Variants in RBM6 observed in about 807,000 individuals in gnomAD.
RBM6 encodes the protein RNA binding motif protein 6, also known as RNA-binding protein 6.
Under a neutral mutation model 140.4 loss-of-function variants are expected in RBM6, and 23 were observed. That is an observed-to-expected ratio of 0.16 (90% CI 0.12 to 0.23). The LOEUF (loss-of-function observed/expected upper bound fraction) is 0.23. Ranked by LOEUF, RBM6 falls within the 10% of genes least tolerant of loss-of-function variation. The pLI is 1.00. For missense variants in RBM6, 1,139 were observed against 1,386.7 expected, an observed-to-expected ratio of 0.82 and a Z score of 2.84; for synonymous variants, 439 against 475.6, an observed-to-expected ratio of 0.92 and a Z score of 1.00.
intron 5 of RBM6, among the ~76,000 whole-genome samples, chr3:49,978,856 C>T (rs1310787973): frequency 6.6e-6 from 1 of 152,032 alleles, no homozygotes; most frequent in African/African-American, 2.4e-5. Context: ...TTTCATTTGC[C>T]ATTTACAAAT....
rs766728138 is a variant in RBM6 at position 49,968,396 on chromosome 3, G to A, written c.971G>A (p.Arg324Lys). 6.2e-7 allele frequency: 1 copy of A among 1,614,164 alleles called. No individual in the cohort carries two copies. Among genetic ancestry groups the A allele is most frequent in the South Asian group, 1.1e-5 (1 of 91,076 alleles). The change falls in exon 3 of 21, where the codon AGG (arginine) becomes AAG (lysine). Residue 324 changes from arginine (R) to lysine (K), a missense_variant. Arg to Lys is a conservative substitution (Grantham distance 26, BLOSUM62 2). Transcript: ENST00000266022. ...TCCACACATGACCATACGATAGAAA[G>A]GCCTGCTTTTGGCATTCAGAAGGGA... ...EESTHDHTIE[R>K]PAFGIQKGEF...
chr3:50,058,472 C>G lies in RBM6; in HGVS notation c.2040C>G (p.Val680=). ...TAGTGGAAGTGCTGGAGCCCTATGT[C>G]CGCCTTACTACTGCCAACGTCCGTA... The part of the protein sequence containing the change: ...EVIVEVLEPY[V]RLTTANVRII... The change falls in exon 10 of 21, where the codon GTC becomes GTG. Residue 680 remains valine, a synonymous_variant. Coordinates refer to ENST00000266022, the MANE Select transcript of RBM6 (RefSeq NM_005777.3). The G allele has an allele frequency of 1.2e-6, 2 of 1,605,904 alleles. No individual in the cohort carries two copies. The highest frequency in any genetic ancestry group is 1.7e-6 in the Non-Finnish European group (2 of 1,172,508).
At chr3:49,961,596 C>T (rs962683933) in intron 1 of RBM6, among the ~76,000 whole-genome samples, 3 of 150,746 alleles carry the variant, frequency 2.0e-5, no homozygotes, top group Non-Finnish European at 4.4e-5. Context: ...GTTAGGAGTT[C>T]GAGACCAGCC....
intron 6 of RBM6, among the ~76,000 whole-genome samples, chr3:50,017,543 G>A (rs1397690489): frequency 6.8e-6 from 1 of 146,116 alleles, no homozygotes; most frequent in African/African-American, 2.5e-5. Flanking sequence ...GGGCGACAGA[G>A]CAAGACTCTG....
At chr3:49,973,455 C>T (rs2084895224) in intron 4 of RBM6, among the ~76,000 whole-genome samples, 1 of 151,950 alleles carries the variant, frequency 6.6e-6, no homozygotes, top group Admixed American at 6.6e-5. Context: ...GAACCCAGTA[C>T]ATCATTTTAT....
At chr3:50,017,426 T>C (rs753123769) in intron 6 of RBM6, among the ~76,000 whole-genome samples, 12 of 151,520 alleles carry the variant, frequency 7.9e-5, no homozygotes, top group Non-Finnish European at 1.3e-4. Context: ...GGTGTGGTGG[T>C]GGGCGCCTGA....
chr3:50,040,182 C>T (rs992859323), intron 6 of RBM6, among the ~76,000 whole-genome samples: 1 of 152,066 alleles, frequency 6.6e-6, no homozygotes, highest in African/African-American at 2.4e-5. Flanking sequence ...TGCCCTGGCT[C>T]ACGCCTGTAA....
In RBM6 at chr3:50,043,241, C is replaced by T. The variant is rs145274652; in HGVS notation, c.1558-5004C>T. 9.1e-3 allele frequency among the ~76,000 whole-genome samples: 1,378 copies of T among 151,958 alleles called. 31 individuals are homozygous for T. Among genetic ancestry groups the T allele is most frequent in the African/African-American group, 0.031 (1,278 of 41,444 alleles). On this transcript the variant is annotated intron_variant, in intron 6 of 20. Coordinates refer to ENST00000266022, the MANE Select transcript of RBM6 (RefSeq NM_005777.3). The stretch of plus-strand genomic sequence containing the variant: ...GCTCATGCCTGTAATCCCAGCACTT[C>T]GGGAGGCCGAGGCAGGCGATCACTT...
chr3:49,971,647 T>G (rs1005538407), intron 3 of RBM6, among the ~76,000 whole-genome samples: 2 of 151,812 alleles, frequency 1.3e-5, no homozygotes, highest in Non-Finnish European at 2.9e-5. Flanking sequence ...AAGTGATTCT[T>G]CCGCCTCAGC....
chr3:50,050,530 G>A (rs1324754318), intron 7 of RBM6, among the ~76,000 whole-genome samples: 2 of 152,138 alleles, frequency 1.3e-5, no homozygotes, highest in East Asian at 3.8e-4. Context: ...TGTTTGAACA[G>A]CTGTTTTCAG....
chr3:50,048,565 T>C lies in RBM6; in HGVS notation c.1632+246T>C, dbSNP rs138999634. Among the ~76,000 whole-genome samples, 6 of 152,316 alleles carry C rather than the reference T, an allele frequency of 3.9e-5. No individual in the cohort carries two copies. In the East Asian group the frequency reaches 1.2e-3, roughly 29 times the overall value. On this transcript the variant is annotated intron_variant, in intron 7 of 20. Coordinates refer to ENST00000266022, the MANE Select transcript of RBM6 (RefSeq NM_005777.3). ...ACACTTTCCCAAGGACATGTGCCAT[T>C]ATTTCTATCAGTTATAAAAATAACA...
At chr3:50,013,649 A>G (rs2086970424) in intron 6 of RBM6, among the ~76,000 whole-genome samples, 1 of 152,136 alleles carries the variant, frequency 6.6e-6, no homozygotes, top group Non-Finnish European at 1.5e-5. Flanking sequence ...GCCTGGCGAC[A>G]GCGAGGCTCT....
chr3:50,034,013 C>T (rs2088349975), intron 6 of RBM6, among the ~76,000 whole-genome samples: 1 of 152,012 alleles, frequency 6.6e-6, no homozygotes. Flanking sequence ...GATCAAATGC[C>T]CCCTGTCTAG....
At chr3:50,011,042 G>A (rs543812177) in intron 6 of RBM6, among the ~76,000 whole-genome samples, 1 of 151,822 alleles carries the variant, frequency 6.6e-6, no homozygotes, top group South Asian at 2.1e-4. Context: ...CAGTTTGTCA[G>A]GAAGTTAGAG....
intron 1 of RBM6, among the ~76,000 whole-genome samples, chr3:49,948,742 A>C (rs2083603330): frequency 6.7e-6 from 1 of 149,452 alleles, no homozygotes; most frequent in Non-Finnish European, 1.5e-5. Flanking sequence ...GAATTGCTTG[A>C]ACCCAGGAGG....
intron 6 of RBM6, among the ~76,000 whole-genome samples, chr3:50,033,194 G>C (rs1575754361): frequency 6.6e-6 from 1 of 152,144 alleles, no homozygotes; most frequent in Non-Finnish European, 1.5e-5. Flanking sequence ...CTACTCAGGA[G>C]GCTCAGACAG....
intron 1 of RBM6, among the ~76,000 whole-genome samples, chr3:49,957,871 G>T (rs980934119): frequency 2.1e-5 from 3 of 144,366 alleles, no homozygotes; most frequent in Non-Finnish European, 4.5e-5. Context: ...TCGCTCTTTC[G>T]CCCAGGCTGG....
chr3:50,057,257 A>G (rs996558654), intron 8 of RBM6, among the ~76,000 whole-genome samples: 1 of 152,144 alleles, frequency 6.6e-6, no homozygotes, highest in African/African-American at 2.4e-5. Context: ...AGGAACTGTC[A>G]GAGGACTTTT....
intron 6 of RBM6, among the ~76,000 whole-genome samples, chr3:50,022,557 C>T (rs532058586): frequency 3.8e-4 from 58 of 152,094 alleles, no homozygotes; most frequent in Middle Eastern, 3.4e-3. Flanking sequence ...CGCGAACTCC[C>T]GATCTTAGGT....
Sources: gnomAD v4.1 joint callset for allele counts (sites outside exome capture counted in the v4.1 genomes callset) on GRCh38, gnomAD v4.1.1 for gene constraint, MANE v1.5 for transcripts, NCBI Gene and HGNC (gene_info 2026-07-23, HGNC 2026-07-21) for gene names.